TRAM2: variants seen among roughly 807,000 people sequenced by gnomAD.
The protein encoded by TRAM2 is translocation associated membrane protein 2.
Under a neutral mutation model 51.0 loss-of-function variants are expected in TRAM2, and 12 were observed. The observed-to-expected ratio is 0.24, with a 90% confidence interval of 0.15 to 0.38. TRAM2 has a LOEUF of 0.38. Ranked by LOEUF, TRAM2 falls within the 10% of genes least tolerant of loss-of-function variation. The pLI, the probability that TRAM2 is intolerant of heterozygous loss-of-function variation, is 1.00. For synonymous variants in TRAM2, 175 were observed against 179.4 expected (o/e 0.98, Z 0.20); for missense variants, 361 against 462.0 (o/e 0.78, Z 2.00).
intron 1 of TRAM2, among the ~76,000 whole-genome samples, chr6:52,556,518 G>C (rs1767409033): frequency 6.6e-6 from 1 of 151,804 alleles, no homozygotes; most frequent in South Asian, 2.1e-4. Flanking sequence ...CTGACCTCAA[G>C]TGATCCACTC....
intron 1 of TRAM2, among the ~76,000 whole-genome samples, chr6:52,560,222 G>A (rs1310139257): frequency 6.6e-6 from 1 of 151,488 alleles, no homozygotes; most frequent in Admixed American, 6.6e-5. Context: ...ACTCCAGCCT[G>A]AGTGACAAGA....
intron 1 of TRAM2, among the ~76,000 whole-genome samples, chr6:52,543,726 G>C (rs1486157434): frequency 1.3e-5 from 2 of 152,048 alleles, no homozygotes; most frequent in Admixed American, 6.6e-5. Context: ...AAGAGAGGAG[G>C]GTCATTCTAA....
intron 2 of TRAM2, chr6:52,522,829 T>G: frequency 1.4e-6 from 1 of 689,920 alleles, no homozygotes; most frequent in African/African-American, 1.7e-5. Context: ...ACATTCTGCT[T>G]GACCTCCTGC....
At chr6:52,519,527 C>T (rs1294468235) in intron 2 of TRAM2, among the ~76,000 whole-genome samples, 1 of 152,162 alleles carries the variant, frequency 6.6e-6, no homozygotes, top group Non-Finnish European at 1.5e-5. Context: ...AAACTGGGAA[C>T]TTTGTACATT....
intron 1 of TRAM2, among the ~76,000 whole-genome samples, chr6:52,558,031 G>C (rs1767438718): frequency 6.6e-6 from 1 of 152,116 alleles, no homozygotes. Context: ...TACTATATTT[G>C]GGCAAACTGT....
chr6:52,549,631 C>T (rs948891248), intron 1 of TRAM2, among the ~76,000 whole-genome samples: 5 of 152,150 alleles, frequency 3.3e-5, no homozygotes, highest in African/African-American at 9.7e-5. Context: ...AGTAATTAGA[C>T]ACGGTGATTA....
chr6:52,576,868 C>T lies in TRAM2; in HGVS notation c.48G>A (p.Glu16=), dbSNP rs1767778022. Residue 16 remains glutamate, a synonymous_variant, in exon 1 of 11, where the codon GAG becomes GAA. Coordinates refer to ENST00000182527, the MANE Select transcript of TRAM2 (RefSeq NM_012288.4). ...TGTCCGCATGGTTGTGGATGACGAA[C>T]TCCTGGCTGAAGAGCGGGTAACTTT... The part of the protein sequence containing the change: ...RTKSYPLFSQ[E]FVIHNHADIG... 1 of 1,613,852 alleles carries T rather than the reference C, an allele frequency of 6.2e-7. No individual in the cohort carries two copies. Among genetic ancestry groups the T allele is most frequent in the Non-Finnish European group, 8.5e-7 (1 of 1,179,834 alleles).
At chr6:52,538,898 G>T (rs955058942) in intron 1 of TRAM2, among the ~76,000 whole-genome samples, 7 of 152,120 alleles carry the variant, frequency 4.6e-5, no homozygotes, top group African/African-American at 1.7e-4. Flanking sequence ...CTTGTTCCTG[G>T]GAGAAATACA....
At chr6:52,532,886 C>T (rs796316612) in intron 2 of TRAM2, among the ~76,000 whole-genome samples, 30 of 152,146 alleles carry the variant, frequency 2.0e-4, no homozygotes, top group African/African-American at 7.0e-4. Flanking sequence ...TCCTGTGTAA[C>T]TTTTATCTTC....
At chr6:52,547,768 G>A (rs1012303943) in intron 1 of TRAM2, among the ~76,000 whole-genome samples, 4 of 152,216 alleles carry the variant, frequency 2.6e-5, no homozygotes, top group Admixed American at 2.0e-4. Flanking sequence ...GGAGGCCTCC[G>A]GTCTCCTCTC....
intron 1 of TRAM2, among the ~76,000 whole-genome samples, chr6:52,573,640 G>A (rs1208389849): frequency 6.6e-6 from 1 of 152,194 alleles, no homozygotes; most frequent in East Asian, 1.9e-4. Context: ...GGTGAGGGGA[G>A]AGACAGCCTT....
chr6:52,537,977 G>A (rs949596510), intron 1 of TRAM2, among the ~76,000 whole-genome samples: 4 of 152,166 alleles, frequency 2.6e-5, no homozygotes, highest in Non-Finnish European at 5.9e-5. Context: ...CTGCCACAGA[G>A]CCCCTCCTGC....
intron 1 of TRAM2, among the ~76,000 whole-genome samples, chr6:52,543,967 C>T (rs1314467349): frequency 6.6e-6 from 1 of 152,186 alleles, no homozygotes; most frequent in Non-Finnish European, 1.5e-5. Context: ...AGTTGGCAGA[C>T]AGTGACCTGC....
At chr6:52,575,708 G>A (rs1412137982) in intron 1 of TRAM2, among the ~76,000 whole-genome samples, 1 of 152,170 alleles carries the variant, frequency 6.6e-6, no homozygotes, top group Non-Finnish European at 1.5e-5. Flanking sequence ...AATGATCACA[G>A]CTTCCTAACC....
chr6:52,515,971 G>T, intron 4 of TRAM2, 35 bp downstream of exon 4: 1 of 1,591,692 alleles, frequency 6.3e-7, no homozygotes, highest in Non-Finnish European at 8.6e-7. Context: ...CTTGGTTTGA[G>T]CTCTCCCGCT....
At position 52,570,796 on chromosome 6, in the gene TRAM2, C is replaced by CT. The variant is rs1554267147; in HGVS notation, c.120+5999_120+6000insA. Among the ~76,000 whole-genome samples the CT allele has an allele frequency of 2.3e-4, 10 of 43,128 alleles. 1 individual carries two copies. The South Asian group carries it at 2.4e-3, about 10-fold the overall frequency. 28.3% of individuals were successfully genotyped at this position (43,128 alleles called of 152,430 possible). A position where few individuals can be genotyped will look rare whatever the true frequency, so the allele number is the denominator to read the frequency against. ...CTGCCCCAATCCTCCCTGCCCACCA[C>CT]CCCCCCCCCCACACGCACACACACT... is the stretch of plus-strand genomic sequence containing the variant. On this transcript the variant is annotated intron_variant, in intron 1 of 10. Transcript: ENST00000182527.
chr6:52,561,189 A>T (rs1767493343), intron 1 of TRAM2, among the ~76,000 whole-genome samples: 1 of 152,224 alleles, frequency 6.6e-6, no homozygotes, highest in African/African-American at 2.4e-5. Context: ...GAGTCCAGAG[A>T]CACAAAGTAG....
intron 2 of TRAM2, among the ~76,000 whole-genome samples, chr6:52,534,663 G>C (rs1356520649): frequency 6.6e-6 from 1 of 152,186 alleles, no homozygotes; most frequent in Non-Finnish European, 1.5e-5. Flanking sequence ...AAAAATCAGA[G>C]TATTTCTACC....
Position 52,577,011 on chromosome 6 carries a change from C to CGCCGCCCGCTCTCCCACA in TRAM2, c.-114_-97dup. ...CACCGGCCCGGTCCGCCCGCCGGCC[C>CGCCGCCCGCTCTCCCACA]GCCGCCCGCTCTCCCACAGCCGCTC... On this transcript the variant is annotated 5_prime_UTR_variant, in exon 1 of 11. Transcript: ENST00000182527. 7.7e-7 allele frequency: 1 copy of CGCCGCCCGCTCTCCCACA among 1,298,128 alleles called. No homozygotes were observed. The highest frequency in any genetic ancestry group is 2.0e-5 in the South Asian group (1 of 49,728). The allele number at this position is 1,298,128 out of a possible 1,614,324, so 80.4% of individuals were successfully genotyped here.
Sources: allele counts gnomAD v4.1 joint callset (sites outside exome capture counted in the v4.1 genomes callset), GRCh38; gene constraint gnomAD v4.1.1; transcripts MANE v1.5; gene names NCBI Gene and HGNC (gene_info 2026-07-23, HGNC 2026-07-21).